The following FAM53C variants were observed in gnomAD, a reference collection of about 807,000 sequenced individuals.
FAM53C encodes the protein protein FAM53C.
Under a neutral mutation model 34.7 loss-of-function variants are expected in FAM53C, and 10 were observed. The ratio of observed to expected loss-of-function variants is 0.29; its 90% CI spans 0.18 to 0.49. FAM53C has a LOEUF of 0.49. Ranked by LOEUF, FAM53C falls within the 20% of genes least tolerant of loss-of-function variation. The probability of loss-of-function intolerance (pLI) is 0.99; values close to 1 mark genes in which losing one functional copy is unlikely to be tolerated. For synonymous variants in FAM53C, 203 were observed against 203.6 expected (o/e 1.00, Z 0.03); for missense variants, 442 against 515.3 (o/e 0.86, Z 1.38).
chr5:138,338,110 CGAGAGACACTTTGA>C, upstream of FAM53C: 3 of 1,289,782 alleles, frequency 2.3e-6, no homozygotes, highest in Non-Finnish European at 3.0e-6. Context: ...CAGCGCTGTC[CGAGAGACACTTTGA>C]GAGAGACACG....
chr5:138,346,579 A>G, intron 4 of FAM53C, 123 bp from the exon 5 acceptor site: 4 of 1,230,234 alleles, frequency 3.3e-6, no homozygotes, highest in South Asian at 1.5e-5. Flanking sequence ...AGCCAAGATC[A>G]CGCCACTGCA....
chr5:138,338,487 G>A, intron 1 of FAM53C, 180 bp downstream of exon 1: 1 of 308,924 alleles, frequency 3.2e-6, no homozygotes, highest in South Asian at 2.4e-5. Flanking sequence ...CTAAGTCCCA[G>A]ACCCTCCCCA....
Position 138,345,000 on chromosome 5 carries a change from G to T in FAM53C, c.312G>T (p.Glu104Asp), listed in dbSNP as rs1190951616. 3.1e-6 allele frequency: 5 copies of T among 1,613,794 alleles called. No homozygotes were observed. Among genetic ancestry groups the T allele is most frequent in the Non-Finnish European group, 4.2e-6 (5 of 1,179,848 alleles). The change falls in exon 4 of 5, where the codon GAG (glutamate) becomes GAT (aspartate). Residue 104 changes from glutamate (E) to aspartate (D), a missense_variant. By Grantham distance (45) the Glu-to-Asp change is conservative. Coordinates refer to ENST00000239906, the MANE Select transcript of FAM53C (RefSeq NM_016605.3). ...TAAGACCTGAGCCCCCAGATCCAGA[G>T]AAGCTTCCTGTGCCCCCTGCCCCTC... is the stretch of plus-strand genomic sequence containing the variant. ...QVLRPEPPDP[E>D]KLPVPPAPPS...
chr5:138,338,109 C>CCGAG (rs1369049466), upstream of FAM53C: 11 of 1,289,670 alleles, frequency 8.5e-6, no homozygotes, highest in Non-Finnish European at 1.1e-5. Context: ...ACAGCGCTGT[C>CCGAG]CGAGAGACAC....
chr5:138,343,343 CTA>C (rs2126887688), intron 3 of FAM53C, among the ~76,000 whole-genome samples: 1 of 151,902 alleles, frequency 6.6e-6, no homozygotes, highest in South Asian at 2.1e-4. Flanking sequence ...AACCCCGTCT[CTA>C]TTAAAAATAC....
At chr5:138,337,854 T>C (rs1580846333), upstream of FAM53C, 1 of 729,068 alleles carries the variant, frequency 1.4e-6, no homozygotes, top group East Asian at 6.6e-5. Flanking sequence ...GCAGAGCAGG[T>C]GAGGGGCACT....
rs979381150 is a variant in FAM53C, at chr5:138,349,659, A to G, written c.*2700A>G. ...ATCCATAAGTCTGTGTGTGTTAAAC[A>G]TGAGGTTCTGCCTCTGTGGCTGTGT... On this transcript the variant is annotated 3_prime_UTR_variant, in exon 5 of 5. Coordinates refer to ENST00000239906, the MANE Select transcript of FAM53C (RefSeq NM_016605.3). 3.9e-5 allele frequency: 6 copies of G among 152,370 alleles called. No homozygotes were observed. The highest frequency in any genetic ancestry group is 8.8e-5 in the Non-Finnish European group (6 of 68,048). The allele number at this position is 152,370 out of a possible 1,614,324, so 9.4% of individuals were successfully genotyped here. A position where few individuals can be genotyped will look rare whatever the true frequency, so the allele number is the denominator to read the frequency against.
At chr5:138,341,455 C>A in intron 2 of FAM53C, 42 bp downstream of exon 2, 2 of 1,522,186 alleles carry the variant, frequency 1.3e-6, no homozygotes, top group Non-Finnish European at 1.8e-6. Context: ...CCCCCTCCCC[C>A]TTTTTTCTGA....
At chr5:138,340,144 T>C (rs1760992790) in intron 1 of FAM53C, among the ~76,000 whole-genome samples, 1 of 152,266 alleles carries the variant, frequency 6.6e-6, no homozygotes, top group Non-Finnish European at 1.5e-5. Context: ...GTACATTTTG[T>C]ACATTTTAAT....
rs553410921 is a variant in FAM53C at position 138,346,230 on chromosome 5, A to C, written c.922-472A>C. Among the ~76,000 whole-genome samples the C allele has an allele frequency of 2.0e-5, 3 of 152,358 alleles. No individual in the cohort carries two copies. The East Asian group carries it at 5.8e-4, about 29-fold the overall frequency. ...AAACATTTACTGACTCTGACTAGGCACTGGCAGTACAAAGTAATGAAACAC... is the reference window on the plus strand; with the variant it reads ...AAACATTTACTGACTCTGACTAGGCCCTGGCAGTACAAAGTAATGAAACAC... On this transcript the variant is annotated intron_variant, in intron 4 of 4. Transcript: ENST00000239906.
At chr5:138,342,020 C>A in intron 3 of FAM53C, 154 bp downstream of exon 3, 1 of 670,038 alleles carries the variant, frequency 1.5e-6, no homozygotes, top group Admixed American at 2.5e-5. Context: ...CTTTCATGTT[C>A]TAGCATGAAA....
At chr5:138,338,017 T>G (rs1185274554), upstream of FAM53C, 1 of 1,289,638 alleles carries the variant, frequency 7.8e-7, no homozygotes, top group African/African-American at 1.5e-5. Flanking sequence ...GGCCGTCCAC[T>G]TTCTGCGATA....
chr5:138,341,425 G>A lies in FAM53C; in HGVS notation c.78+12G>A, dbSNP rs769028859. ...TCAGCATCAGTCTGGTAAAAGACCA[G>A]TCTTCCTGCTTCTCCACGACCCCCT... is the stretch of plus-strand genomic sequence containing the variant. On this transcript the variant is annotated intron_variant, in intron 2 of 4. Transcript: ENST00000239906. The A allele has an allele frequency of 1.2e-6, 2 of 1,611,666 alleles. No homozygotes were observed. Among genetic ancestry groups the A allele is most frequent in the Non-Finnish European group, 1.7e-6 (2 of 1,177,958 alleles).
Position 138,347,189 on chromosome 5 carries a change from T to A in FAM53C, c.*230T>A. The A allele has an allele frequency of 1.7e-6, 1 of 586,830 alleles. No individual in the cohort carries two copies. Among genetic ancestry groups the A allele is most frequent in the South Asian group, 2.1e-5 (1 of 48,532 alleles). 36.4% of individuals were successfully genotyped at this position (586,830 alleles called of 1,614,324 possible). On this transcript the variant is annotated 3_prime_UTR_variant, in exon 5 of 5. Coordinates refer to ENST00000239906, the MANE Select transcript of FAM53C (RefSeq NM_016605.3). ...GAGGGACAGCCCCAGAGCAGACCCT[T>A]CCTATGGCGGCCCTGAGTGTGAGTA...
At chr5:138,342,051 T>G in intron 3 of FAM53C, 185 bp downstream of exon 3, 1 of 570,730 alleles carries the variant, frequency 1.8e-6, no homozygotes, top group East Asian at 2.8e-5. Context: ...TGGTTTGCTC[T>G]TATTCTAGCT....
chr5:138,340,211 A>G (rs144142642), intron 1 of FAM53C, among the ~76,000 whole-genome samples: 206 of 152,356 alleles, frequency 1.4e-3, no homozygotes, highest in African/African-American at 4.5e-3. Context: ...ACATATGGGT[A>G]AACTGAGGCC....
In FAM53C at chr5:138,345,572, G is replaced by A. The variant is rs764891439; in HGVS notation, c.884G>A (p.Arg295His). ...CGGCGCCACGAGGAAGACCCCCGGC[G>A]TCTGCGGCCTTCGTTGGACTTTGAC... is the stretch of plus-strand genomic sequence containing the variant. ...VKRRHEEDPR[R>H]LRPSLDFDKM... The change falls in exon 4 of 5, where the codon CGT (arginine) becomes CAT (histidine). Residue 295 changes from arginine (R) to histidine (H), a missense_variant. By Grantham distance (29) the Arg-to-His change is conservative. Coordinates refer to ENST00000239906, the MANE Select transcript of FAM53C (RefSeq NM_016605.3). The surrounding 1 kb of genome is among the most constrained non-coding windows in gnomAD (Gnocchi z 6.3). 52 of 1,613,528 alleles carry A rather than the reference G, an allele frequency of 3.2e-5. 1 individual carries two copies. The Admixed American group carries it at 5.3e-4, about 17-fold the overall frequency.
upstream of FAM53C, chr5:138,338,211 C>G (rs1234300189): frequency 6.3e-6 from 8 of 1,274,244 alleles, no homozygotes; most frequent in Non-Finnish European, 8.2e-6. Context: ...TCCTCAGGGA[C>G]TCGTTGGTTC....
At chr5:138,338,194 C>G (rs965373389), upstream of FAM53C, 40 of 1,284,942 alleles carry the variant, frequency 3.1e-5, no homozygotes, top group African/African-American at 5.2e-4. Context: ...GAGCTGTCCC[C>G]CTACTCTCCT....
Sources: gnomAD v4.1 joint callset for allele counts (sites outside exome capture counted in the v4.1 genomes callset) on GRCh38, gnomAD v4.1.1 for gene constraint, Gnocchi (gnomAD v3.1) non-coding constraint, MANE v1.5 for transcripts, NCBI Gene and HGNC (gene_info 2026-07-23, HGNC 2026-07-21) for gene names.